RRM2: variants seen among roughly 807,000 people sequenced by gnomAD.
RRM2 encodes the protein ribonucleotide reductase regulatory subunit M2, also known as ribonucleoside-diphosphate reductase subunit M2.
Under a neutral mutation model 45.9 loss-of-function variants are expected in RRM2, and 6 were observed. That is an observed-to-expected ratio of 0.13 (90% CI 0.07 to 0.26). The LOEUF (loss-of-function observed/expected upper bound fraction) is 0.26. Among genes scored for constraint, RRM2 ranks in the 10% least tolerant of loss-of-function variants. The pLI is 1.00. For synonymous variants in RRM2, 177 were observed against 173.0 expected, an observed-to-expected ratio of 1.02 and a Z score of -0.18; for missense variants, 343 against 489.5, an observed-to-expected ratio of 0.70 and a Z score of 2.82.
downstream of RRM2, among the ~76,000 whole-genome samples, chr2:10,134,170 CAAAAAAA>C (rs35568069): frequency 1.6e-4 from 16 of 101,502 alleles, no homozygotes; most frequent in African/African-American, 3.6e-4. Context: ...AACTCCATCT[CAAAAAAA>C]AAAAAAAAAA....
chr2:10,166,650 C>T (rs1158129014), intron 3 of RRM2, among the ~76,000 whole-genome samples: 1 of 152,244 alleles, frequency 6.6e-6, no homozygotes, highest in East Asian at 1.9e-4. Flanking sequence ...CTAGCAGGTG[C>T]AGAGGCAGGG....
chr2:10,162,383 C>A (rs1399479406), intron 3 of RRM2, among the ~76,000 whole-genome samples: 1 of 152,054 alleles, frequency 6.6e-6, no homozygotes. Context: ...TAGTCATGAG[C>A]GCTGGCCCAG....
chr2:10,138,736 A>T (rs2125311046), upstream of RRM2, among the ~76,000 whole-genome samples: 1 of 152,344 alleles, frequency 6.6e-6, no homozygotes, highest in Non-Finnish European at 1.5e-5. Flanking sequence ...CAGGCCCAAC[A>T]GGCTTGTGAG....
intron 3 of RRM2, among the ~76,000 whole-genome samples, chr2:10,158,733 A>C (rs753977145): frequency 6.6e-6 from 1 of 152,150 alleles, no homozygotes; most frequent in Non-Finnish European, 1.5e-5. Context: ...AATAATAAGC[A>C]GCCAAGCGGG....
At chr2:10,206,948 C>A (rs1444998344) in intron 3 of RRM2, among the ~76,000 whole-genome samples, 1 of 152,156 alleles carries the variant, frequency 6.6e-6, no homozygotes, top group African/African-American at 2.4e-5. Flanking sequence ...CTGAGAGCAG[C>A]TATTGCAAAG....
At position 10,183,855 on chromosome 2, in the gene RRM2, C is replaced by T. The variant is rs576153704; in HGVS notation, n.483-26456C>T. ...CTGTAATCCCAGCACTTTGGGAGGC[C>T]GAGGCGGGCGGATCATGACGTCAGG... On this transcript the variant is annotated intron_variant and non_coding_transcript_variant, in intron 3 of 3. Coordinates refer to the RRM2 transcript ENST00000381786. Among the ~76,000 whole-genome samples, 285 of 150,812 alleles carry T rather than the reference C, an allele frequency of 1.9e-3. 3 individuals are homozygous for T. The highest frequency in any genetic ancestry group is 6.6e-3 in the African/African-American group (271 of 41,042).
At chr2:10,206,873 A>G (rs958676868) in intron 3 of RRM2, among the ~76,000 whole-genome samples, 4 of 152,242 alleles carry the variant, frequency 2.6e-5, no homozygotes, top group East Asian at 1.9e-4. Flanking sequence ...ATTGACTACA[A>G]TCTAGAATCC....
At chr2:10,151,533 C>T (rs969155392) in intron 3 of RRM2, among the ~76,000 whole-genome samples, 10 of 152,030 alleles carry the variant, frequency 6.6e-5, no homozygotes, top group Non-Finnish European at 7.4e-5. Context: ...CTCCTGACCT[C>T]GTGATCTGCT....
chr2:10,173,622 G>T (rs1351898263), intron 3 of RRM2, among the ~76,000 whole-genome samples: 1 of 152,258 alleles, frequency 6.6e-6, no homozygotes, highest in Non-Finnish European at 1.5e-5. Context: ...CGGCCCTCAT[G>T]CCTCAGTAGA....
chr2:10,206,731 A>G (rs564067776), intron 3 of RRM2, among the ~76,000 whole-genome samples: 1 of 152,356 alleles, frequency 6.6e-6, no homozygotes, highest in South Asian at 2.1e-4. Flanking sequence ...AAACTGCAGA[A>G]CACCAAAGAC....
At position 10,204,395 on chromosome 2, in the gene RRM2, G is replaced by A. The variant is rs1294618053; in HGVS notation, n.483-5916G>A. 6.6e-6 allele frequency among the ~76,000 whole-genome samples: 1 copy of A among 152,214 alleles called. No individual in the cohort carries two copies. The highest frequency in any genetic ancestry group is 1.9e-4 in the East Asian group (1 of 5,184). On this transcript the variant is annotated intron_variant and non_coding_transcript_variant, in intron 3 of 3. Coordinates refer to the RRM2 transcript ENST00000381786. The surrounding 1 kb of genome is among the most constrained non-coding windows in gnomAD (Gnocchi z 4.0). Reference sequence around the variant, plus strand: ...AAGGAGACTCCAGGGAGAGGAATGTGTGAGAAAATGGGGAGGAGAGGGAGG... The same window carrying A: ...AAGGAGACTCCAGGGAGAGGAATGTATGAGAAAATGGGGAGGAGAGGGAGG...
chr2:10,123,227 C>A, intron 2 of RRM2, 160 bp from the exon 3 acceptor site: 1 of 1,268,422 alleles, frequency 7.9e-7, no homozygotes, highest in Non-Finnish European at 1.1e-6. Flanking sequence ...CCGGTTCGGG[C>A]GTGCGCTCCT....
intron 3 of RRM2, among the ~76,000 whole-genome samples, chr2:10,183,313 G>A (rs1251921684): frequency 6.6e-6 from 1 of 152,234 alleles, no homozygotes; most frequent in Non-Finnish European, 1.5e-5. Flanking sequence ...CGGGGCTGAT[G>A]TGCCATCTGA....
chr2:10,210,525 C>G, exon 4 of RRM2: 6 of 1,367,424 alleles, frequency 4.4e-6, no homozygotes, highest in Non-Finnish European at 5.9e-6. Context: ...TTCAGCATAT[C>G]CTTTCACTGG....
intron 3 of RRM2, among the ~76,000 whole-genome samples, chr2:10,193,600 C>T (rs1224818541): frequency 5.3e-5 from 8 of 152,238 alleles, no homozygotes; most frequent in African/African-American, 1.2e-4. Flanking sequence ...AGCTCTGAGG[C>T]GGTCCTTGTA....
At chr2:10,147,446 T>G (rs963617553) in intron 3 of RRM2, among the ~76,000 whole-genome samples, 1 of 151,936 alleles carries the variant, frequency 6.6e-6, no homozygotes, top group African/African-American at 2.4e-5. Flanking sequence ...ACCCAGCTAA[T>G]TTTTGTATTT....
chr2:10,171,164 C>T lies in RRM2; in HGVS notation n.482+28789C>T, dbSNP rs553280493. Among the ~76,000 whole-genome samples, 16 of 152,358 alleles carry T rather than the reference C, an allele frequency of 1.1e-4. No individual in the cohort carries two copies. Among genetic ancestry groups the T allele is most frequent in the Non-Finnish European group, 1.9e-4 (13 of 68,026 alleles). On this transcript the variant is annotated intron_variant and non_coding_transcript_variant, in intron 3 of 3. Coordinates refer to the RRM2 transcript ENST00000381786. This position sits in a 1 kb window ranked among gnomAD's most constrained non-coding sequence, Gnocchi z 4.1. ...AGGCATCGAGCCTGCGATGGGGCAA[C>T]GTGTGGTGTGGAGGCCATACCCCTC...
chr2:10,142,294 T>C (rs763717027), exon 3 of RRM2: 8 of 1,414,538 alleles, frequency 5.7e-6, no homozygotes, highest in Non-Finnish European at 7.6e-6. Flanking sequence ...GCCTTACGTC[T>C]TGAAAGGGAA....
chr2:10,203,269 G>A (rs536748509), intron 3 of RRM2, among the ~76,000 whole-genome samples: 3 of 152,300 alleles, frequency 2.0e-5, no homozygotes, highest in Admixed American at 1.3e-4. Flanking sequence ...CATCCCAGGG[G>A]TGGTGTGGCT....
Sources: gnomAD v4.1 joint callset for allele counts (sites outside exome capture counted in the v4.1 genomes callset) on GRCh38, gnomAD v4.1.1 for gene constraint, Gnocchi (gnomAD v3.1) non-coding constraint, MANE v1.5 for transcripts, NCBI Gene and HGNC (gene_info 2026-07-23, HGNC 2026-07-21) for gene names.